Variants in SPG11 observed in about 807,000 individuals in gnomAD.
SPG11 encodes spatacsin.
A neutral mutation model predicts 274.0 loss-of-function variants in SPG11; 222 were observed. The ratio of observed to expected loss-of-function variants is 0.81; its 90% CI spans 0.73 to 0.91. The LOEUF (loss-of-function observed/expected upper bound fraction) is 0.91. Ranked by LOEUF, SPG11 falls within the 40% of genes least tolerant of loss-of-function variation. The pLI is 0.00. For missense variants in SPG11, 3,114 were observed against 2,872.7 expected, an observed-to-expected ratio of 1.08 and a Z score of -1.92; for synonymous variants, 1,144 against 1,039.7, an observed-to-expected ratio of 1.10 and a Z score of -1.93.
intron 33 of SPG11, among the ~76,000 whole-genome samples, chr15:44,571,603 T>C (rs1443042858): frequency 2.0e-5 from 3 of 150,216 alleles, no homozygotes; most frequent in African/African-American, 7.3e-5. Flanking sequence ...GTTCAGGCCA[T>C]TCTCCTGCTT....
chr15:44,587,695 A>AAAAAAAAAAAAAAAAC (rs2082799068), intron 28 of SPG11, among the ~76,000 whole-genome samples: 2 of 70,802 alleles, frequency 2.8e-5, no homozygotes, highest in African/African-American at 7.1e-5. Context: ...GACTGTCTCA[A>AAAAAAAAAAAAAAAAC]AAAAAAAAAA....
rs750101275 is a variant in SPG11, at chr15:44,621,766, A to AC, written c.2612dup (p.Ser871ArgfsTer11). 2 of 1,613,836 alleles carry AC rather than the reference A, an allele frequency of 1.2e-6. No homozygotes were observed. The highest frequency in any genetic ancestry group is 1.7e-6 in the Non-Finnish European group (2 of 1,179,932). Reference sequence around the variant, plus strand: ...AGGCTCTCTCACACTTGCCTTCTGGACTTATCCTGGGGAGAAGGATGGATT... The same window carrying AC: ...AGGCTCTCTCACACTTGCCTTCTGGACCTTATCCTGGGGAGAAGGATGGATT... On this transcript the variant is annotated frameshift_variant, in exon 14 of 40. Transcript: ENST00000261866. LOFTEE classifies it high-confidence loss of function.
chr15:44,604,997 C>T (rs1445723617), intron 20 of SPG11, among the ~76,000 whole-genome samples: 15 of 135,704 alleles, frequency 1.1e-4, no homozygotes, highest in Non-Finnish European at 2.3e-4. Flanking sequence ...TTACTTTGTG[C>T]TTTATTTCCT....
chr15:44,567,688 T>C, intron 35 of SPG11, 96 bp from the exon 36 acceptor site: 1 of 1,325,834 alleles, frequency 7.5e-7, no homozygotes, highest in Non-Finnish European at 1.1e-6. Flanking sequence ...CCTTAAAAAC[T>C]CCCAAGAAGA....
In SPG11 at chr15:44,622,779, T is replaced by C. The variant is rs142909555; in HGVS notation, c.2265A>G (p.Gln755=). 283 of 1,613,704 alleles carry C rather than the reference T, an allele frequency of 1.8e-4. No individual in the cohort carries two copies. Among genetic ancestry groups the C allele is most frequent in the South Asian group, 4.4e-4 (40 of 91,078 alleles). Residue 755 remains glutamine (Q), a synonymous_variant, in exon 12 of 40, where the codon CAA becomes CAG. Transcript: ENST00000261866. ...LKNMGFDVKG[Q]LLKICFYTTN... Reference sequence around the variant, plus strand: ...TTGTATAGAAGCAGATCTTGAGCAATTGGCCTTTTACATCAAACCCCTAAA... The same window carrying C: ...TTGTATAGAAGCAGATCTTGAGCAACTGGCCTTTTACATCAAACCCCTAAA...
intron 30 of SPG11, among the ~76,000 whole-genome samples, chr15:44,575,646 C>G (rs2082520686): frequency 6.6e-6 from 1 of 151,866 alleles, no homozygotes. Context: ...AGGCGTGCAC[C>G]ACCACACCTG....
intron 26 of SPG11, 143 bp downstream of exon 26, chr15:44,595,116 C>T (rs2083001183): frequency 1.2e-6 from 1 of 840,484 alleles, no homozygotes; most frequent in African/African-American, 1.7e-5. Context: ...TGCGCCTGGC[C>T]AGTAAGTGGT....
chr15:44,573,208 A>G (rs1372301331), intron 32 of SPG11: 2 of 501,822 alleles, frequency 4.0e-6, no homozygotes, highest in African/African-American at 3.9e-5. Flanking sequence ...GATGGTCTCT[A>G]TCTCCTGACC....
At chr15:44,583,628 A>AT (rs1472370627) in intron 30 of SPG11, among the ~76,000 whole-genome samples, 186 bp downstream of exon 30, 2 of 152,232 alleles carry the variant, frequency 1.3e-5, no homozygotes, top group Non-Finnish European at 2.9e-5. Context: ...AAACATAGCT[A>AT]GTTTAAAAGA....
intron 7 of SPG11, among the ~76,000 whole-genome samples, chr15:44,641,796 G>T (rs1236088134): frequency 6.6e-6 from 1 of 151,758 alleles, no homozygotes; most frequent in Non-Finnish European, 1.5e-5. Flanking sequence ...GAAAACTAGA[G>T]TATTATCAAT....
intron 10 of SPG11, among the ~76,000 whole-genome samples, chr15:44,627,005 A>G (rs984644027): frequency 3.3e-5 from 5 of 152,206 alleles, no homozygotes; most frequent in Non-Finnish European, 7.3e-5. Flanking sequence ...AAATTACTCA[A>G]TGTAACTGGA....
intron 30 of SPG11, among the ~76,000 whole-genome samples, chr15:44,582,982 G>A (rs1276587431): frequency 5.9e-5 from 9 of 151,942 alleles, no homozygotes; most frequent in East Asian, 1.9e-4. Flanking sequence ...GTCCACTCTC[G>A]CCACCCCTAT....
intron 20 of SPG11, among the ~76,000 whole-genome samples, chr15:44,601,742 A>G (rs2140985216): frequency 6.6e-6 from 1 of 151,986 alleles, no homozygotes; most frequent in Non-Finnish European, 1.5e-5. Context: ...TACTTACAGT[A>G]GAGACGGGGT....
intron 30 of SPG11, among the ~76,000 whole-genome samples, chr15:44,580,723 A>AGAGGTTGCAGTAAGCC (rs2082642609): frequency 6.6e-6 from 1 of 152,234 alleles, no homozygotes; most frequent in Non-Finnish European, 1.5e-5. Context: ...CCTGGGAGGC[A>AGAGGTTGCAGTAAGCC]GAGGTTGCAG....
At chr15:44,652,842 A>G (rs1466169812) in intron 4 of SPG11, among the ~76,000 whole-genome samples, 1 of 152,064 alleles carries the variant, frequency 6.6e-6, no homozygotes, top group Non-Finnish European at 1.5e-5. Flanking sequence ...TTTAGTAGAG[A>G]CAGGGTTTTA....
Position 44,584,403 on chromosome 15 carries a change from T to A in SPG11, c.5277A>T (p.Ala1759=), listed in dbSNP as rs1235239403. The change falls in exon 30 of 40, where the codon GCA becomes GCT. Residue 1759 remains alanine, a synonymous_variant. Coordinates refer to ENST00000261866, the MANE Select transcript of SPG11 (RefSeq NM_025137.4). ...SSFFSTQAHV[A]CEHPTGWSSM... is the part of the protein sequence containing the mutation. ...TGCTCCATCCAGTTGGGTGCTCACA[T>A]GCCACATGGGCCTGGGTTGAGAAAA... 1 of 1,614,022 alleles carries A rather than the reference T, an allele frequency of 6.2e-7. No individual in the cohort carries two copies. Among genetic ancestry groups the A allele is most frequent in the Non-Finnish European group, 8.5e-7 (1 of 1,179,988 alleles).
At position 44,652,210 on chromosome 15, in the gene SPG11, C is replaced by G. The variant is rs1370363786; in HGVS notation, c.926G>C (p.Gly309Ala). ...ATCATCTTCATCTACGCCCTTAGGT[C>G]CTTGAATAGGAAGATCTTCTAGTAT... is the stretch of plus-strand genomic sequence containing the variant. ...ERILEDLPIQ[G>A]PKGVDEDDPV... The change falls in exon 5 of 40, where the codon GGA (glycine) becomes GCA (alanine). Residue 309 changes from glycine to alanine, a missense_variant. Transcript: ENST00000261866. 4 of 1,613,896 alleles carry G rather than the reference C, an allele frequency of 2.5e-6. No homozygotes were observed. Among genetic ancestry groups the G allele is most frequent in the African/African-American group, 2.7e-5 (2 of 74,880 alleles).
rs1595842719 is a variant in SPG11 at position 44,583,969 on chromosome 15, T to C, written c.5711A>G (p.Tyr1904Cys). Residue 1904 changes from tyrosine (Y) to cysteine (C), a missense_variant, in exon 30 of 40, where the codon TAT (tyrosine) becomes TGT (cysteine). Coordinates refer to ENST00000261866, the MANE Select transcript of SPG11 (RefSeq NM_025137.4). ...CAATACCAAGGCGACATCTGGATTATAAAAATGAAAATACCGGCATACTCT... is the reference window on the plus strand; with the variant it reads ...CAATACCAAGGCGACATCTGGATTACAAAAATGAAAATACCGGCATACTCT... Reference protein sequence around the residue: ...ASRVCRYFHFYNPDVALVLHC... With the variant: ...ASRVCRYFHFCNPDVALVLHC... The C allele has an allele frequency of 6.2e-7, 1 of 1,614,222 alleles. No homozygotes were observed. Among genetic ancestry groups the C allele is most frequent in the South Asian group, 1.1e-5 (1 of 91,090 alleles).
At chr15:44,653,104 GAAGT>G (rs1477766885) in intron 4 of SPG11, among the ~76,000 whole-genome samples, 1 of 152,146 alleles carries the variant, frequency 6.6e-6, no homozygotes. Flanking sequence ...CAGAAAATGA[GAAGT>G]AAGATGGAAT....
Sources: gnomAD v4.1 joint callset for allele counts (sites outside exome capture counted in the v4.1 genomes callset) on GRCh38, gnomAD v4.1.1 for gene constraint, MANE v1.5 for transcripts, NCBI Gene and HGNC (gene_info 2026-07-23, HGNC 2026-07-21) for gene names.